MDN1: variants seen among roughly 807,000 people sequenced by gnomAD.
MDN1 encodes the protein midasin AAA ATPase 1.
Under a neutral mutation model 669.2 loss-of-function variants are expected in MDN1, and 266 were observed. The ratio of observed to expected loss-of-function variants is 0.40; its 90% confidence interval spans 0.36 to 0.44. MDN1 has a LOEUF of 0.44. Among genes scored for constraint, MDN1 ranks in the 20% least tolerant of loss-of-function variants. The probability of loss-of-function intolerance (pLI) is 1.00; values close to 1 mark genes in which losing one functional copy is unlikely to be tolerated. For synonymous variants in MDN1, 2,385 were observed against 2,457.1 expected (o/e 0.97, Z 0.87); for missense variants, 5,940 against 6,754.0 (o/e 0.88, Z 4.22).
chr6:89,811,012 C>A (rs1187397688), intron 1 of MDN1, among the ~76,000 whole-genome samples: 1 of 152,100 alleles, frequency 6.6e-6, no homozygotes, highest in Non-Finnish European at 1.5e-5. Flanking sequence ...CTAATTATCT[C>A]ATCCTGACTT....
chr6:89,763,373 T>C (rs377334723), intron 15 of MDN1, among the ~76,000 whole-genome samples: 8 of 149,060 alleles, frequency 5.4e-5, no homozygotes, highest in Admixed American at 3.3e-4. Flanking sequence ...GCTATTGCAA[T>C]GGTTTGTGGT....
chr6:89,737,014 G>A (rs1816017505), intron 33 of MDN1, among the ~76,000 whole-genome samples: 1 of 152,162 alleles, frequency 6.6e-6, no homozygotes, highest in South Asian at 2.1e-4. Context: ...CCTGTAAGCT[G>A]CACTTCAACA....
chr6:89,724,471 C>A (rs768833217), intron 38 of MDN1, among the ~76,000 whole-genome samples: 1 of 152,070 alleles, frequency 6.6e-6, no homozygotes, highest in South Asian at 2.1e-4. Context: ...TTAATAGAGA[C>A]GGGGTTTCGC....
Position 89,708,647 on chromosome 6 carries a change from A to T in MDN1, c.7766-19T>A. The T allele has an allele frequency of 6.2e-7, 1 of 1,605,068 alleles. No individual in the cohort carries two copies. The highest frequency in any genetic ancestry group is 8.5e-7 in the Non-Finnish European group (1 of 1,175,600). Reference sequence around the variant, plus strand: ...AATTCATCTAGTTTAAAAACAGAACAAAACAAAAATCAGAAATATTGGAGA... The same window carrying T: ...AATTCATCTAGTTTAAAAACAGAACTAAACAAAAATCAGAAATATTGGAGA... On this transcript the variant is annotated intron_variant, in intron 50 of 101. Coordinates refer to ENST00000369393, the MANE Select transcript of MDN1 (RefSeq NM_014611.3).
At position 89,794,612 on chromosome 6, in the gene MDN1, GAC is replaced by G. The variant is rs1306974306; in HGVS notation, c.517_518del (p.Val173ProfsTer7). The G allele has an allele frequency of 6.2e-7, 1 of 1,613,488 alleles. No homozygotes were observed. Among genetic ancestry groups the G allele is most frequent in the Non-Finnish European group, 8.5e-7 (1 of 1,180,032 alleles). ...AGGTGTCATGGCTTCTGAGGAGAGG[GAC>G]ACACACACTCCAGTCCCAGAGCTCC... ...FRELWDWSVCVPLLRSHDTLV... is the reference protein window; with the variant it reads ...FRELWDWSVCXPLLRSHDTLV... On this transcript the variant is annotated frameshift_variant, in exon 3 of 102. Transcript: ENST00000369393. LOFTEE classifies it high-confidence loss of function.
intron 2 of MDN1, among the ~76,000 whole-genome samples, chr6:89,797,372 C>CAAAAA (rs36015348): frequency 1.0e-5 from 1 of 97,712 alleles, no homozygotes; most frequent in Non-Finnish European, 2.0e-5. Context: ...GACTCCATCT[C>CAAAAA]AAAAAAAAAA....
Position 89,696,489 on chromosome 6 carries a change from A to C in MDN1, c.9254T>G (p.Val3085Gly). Reference protein sequence around the residue: ...TSSWRASPWDVSGLPILSSSH... With the variant: ...TSSWRASPWDGSGLPILSSSH... ...GGAGGAAAGAATGGGGAGGCCACTC[A>C]CATCCCAGGGACTTGCTCTCCAGCT... Residue 3085 changes from valine to glycine, a missense_variant, in exon 60 of 102, where the codon GTG (valine) becomes GGG (glycine). Val to Gly is a moderately radical substitution (Grantham distance 109). Coordinates refer to ENST00000369393, the MANE Select transcript of MDN1 (RefSeq NM_014611.3). The C allele has an allele frequency of 6.2e-7, 1 of 1,614,226 alleles. No individual in the cohort carries two copies. Among genetic ancestry groups the C allele is most frequent in the Non-Finnish European group, 8.5e-7 (1 of 1,180,014 alleles).
intron 22 of MDN1, 50 bp from the exon 23 acceptor site, chr6:89,751,632 A>G (rs765152461): frequency 3.2e-6 from 5 of 1,576,580 alleles, no homozygotes; most frequent in East Asian, 4.5e-5. Context: ...ACATTCTTTC[A>G]GAGAAGGGCA....
At chr6:89,661,123 A>G (rs1455444839) in intron 88 of MDN1, among the ~76,000 whole-genome samples, 1 of 152,194 alleles carries the variant, frequency 6.6e-6, no homozygotes, top group African/African-American at 2.4e-5. Flanking sequence ...ATCCCATGAG[A>G]TGGGATACAC....
intron 68 of MDN1, 71 bp downstream of exon 68, chr6:89,687,273 A>T (rs1468845381): frequency 1.4e-6 from 2 of 1,410,290 alleles, no homozygotes; most frequent in Non-Finnish European, 2.0e-6. Flanking sequence ...TAAATCCTAA[A>T]GAAATTTAAA....
intron 96 of MDN1, among the ~76,000 whole-genome samples, chr6:89,650,464 G>T (rs1265278694): frequency 6.6e-6 from 1 of 152,148 alleles, no homozygotes; most frequent in African/African-American, 2.4e-5. Flanking sequence ...GAATGATTTT[G>T]GACATCTTTG....
intron 23 of MDN1, 74 bp from the exon 24 acceptor site, chr6:89,750,606 T>C: frequency 7.1e-7 from 1 of 1,409,894 alleles, no homozygotes; most frequent in Non-Finnish European, 9.8e-7. Context: ...AACTGAGTAT[T>C]GGTTTGTTTT....
chr6:89,671,320 C>T (rs1008946544), intron 82 of MDN1, among the ~76,000 whole-genome samples: 1 of 152,168 alleles, frequency 6.6e-6, no homozygotes, highest in Non-Finnish European at 1.5e-5. Flanking sequence ...TCTCCTTTGG[C>T]TAACAATGTT....
At chr6:89,816,229 G>A (rs550336513) in intron 1 of MDN1, among the ~76,000 whole-genome samples, 7 of 151,610 alleles carry the variant, frequency 4.6e-5, no homozygotes, top group African/African-American at 1.7e-4. Flanking sequence ...GTGAAACCCC[G>A]TCTCTACTAA....
intron 34 of MDN1, among the ~76,000 whole-genome samples, chr6:89,731,143 T>A (rs1179935138): frequency 6.6e-6 from 1 of 152,214 alleles, no homozygotes; most frequent in African/African-American, 2.4e-5. Context: ...AGTAAAGCAC[T>A]CTAGTCACTC....
At chr6:89,665,946 A>G (rs117301651) in intron 84 of MDN1, among the ~76,000 whole-genome samples, 1,820 of 152,300 alleles carry the variant, frequency 0.012, 32 homozygotes, top group Admixed American at 0.046. Context: ...AGACTGAGGC[A>G]TGAAAATCTC....
At position 89,749,720 on chromosome 6, in the gene MDN1, A is replaced by G; in HGVS notation, c.3438T>C (p.Tyr1146=). The part of the protein sequence containing the change: ...GVLIDAMRKG[Y]WIILDELNLA... ...AATTTAATTCATCTAAAATAATCCA[A>G]TAGCCTTTTCTCATGGCATCAATAA... The change falls in exon 25 of 102, where the codon TAT becomes TAC. Residue 1146 remains tyrosine (Y), a synonymous_variant. Coordinates refer to ENST00000369393, the MANE Select transcript of MDN1 (RefSeq NM_014611.3). 1 of 1,613,662 alleles carries G rather than the reference A, an allele frequency of 6.2e-7. No homozygotes were observed. Among genetic ancestry groups the G allele is most frequent in the Non-Finnish European group, 8.5e-7 (1 of 1,179,536 alleles).
At chr6:89,735,079 C>T (rs905934203) in intron 33 of MDN1, among the ~76,000 whole-genome samples, 4 of 151,970 alleles carry the variant, frequency 2.6e-5, no homozygotes, top group African/African-American at 9.7e-5. Flanking sequence ...TTAGTAGAGA[C>T]GGGATTTCCC....
At chr6:89,759,530 G>A (rs554699646) in intron 17 of MDN1, among the ~76,000 whole-genome samples, 1 of 152,308 alleles carries the variant, frequency 6.6e-6, no homozygotes, top group South Asian at 2.1e-4. Context: ...TTGGGAGGCT[G>A]AGGTGGGCGG....
Sources: gnomAD v4.1 joint callset for allele counts (sites outside exome capture counted in the v4.1 genomes callset) on GRCh38, gnomAD v4.1.1 for gene constraint, MANE v1.5 for transcripts, NCBI Gene and HGNC (gene_info 2026-07-23, HGNC 2026-07-21) for gene names.